ROBO2: variants seen among roughly 807,000 people sequenced by gnomAD.
ROBO2 encodes roundabout guidance receptor 2.
ROBO2 carries 53 observed loss-of-function variants against 160.8 expected under a neutral mutation model. That is an observed-to-expected ratio of 0.33 (90% CI 0.26 to 0.41). The LOEUF (loss-of-function observed/expected upper bound fraction) is 0.41. Among genes scored for constraint, ROBO2 ranks in the 10% least tolerant of loss-of-function variants. The probability of loss-of-function intolerance (pLI) is 1.00; values close to 1 mark genes in which losing one functional copy is unlikely to be tolerated. For missense variants in ROBO2, 1,577 were observed against 1,722.4 expected, an observed-to-expected ratio of 0.92 and a Z score of 1.49; for synonymous variants, 664 against 611.7, an observed-to-expected ratio of 1.09 and a Z score of -1.26.
At chr3:77,195,201 A>G (rs2150971306) in intron 2 of ROBO2, among the ~76,000 whole-genome samples, 1 of 152,296 alleles carries the variant, frequency 6.6e-6, no homozygotes, top group Non-Finnish European at 1.5e-5. Context: ...AATTTGCCAT[A>G]TGAGCAATTT....
At chr3:76,747,143 A>T (rs2093907535) in intron 2 of ROBO2, among the ~76,000 whole-genome samples, 1 of 152,064 alleles carries the variant, frequency 6.6e-6, no homozygotes, top group Non-Finnish European at 1.5e-5. Context: ...AATAAAAAAT[A>T]CTCAAATACA....
At chr3:76,948,877 TA>T (rs1559749461) in intron 2 of ROBO2, among the ~76,000 whole-genome samples, 9 of 49,110 alleles carry the variant, frequency 1.8e-4, no homozygotes, top group Admixed American at 5.6e-4. Context: ...GCTAATTTTA[TA>T]TATATATATA....
At chr3:76,916,990 C>A (rs1310604330) in intron 2 of ROBO2, among the ~76,000 whole-genome samples, 1 of 152,106 alleles carries the variant, frequency 6.6e-6, no homozygotes, top group Non-Finnish European at 1.5e-5. Flanking sequence ...TCCCCGCAAA[C>A]AACACATTGA....
rs143644332 is a variant in ROBO2 at position 76,758,272 on chromosome 3, G to A, written c.110-339742G>A. Among the ~76,000 whole-genome samples the A allele has an allele frequency of 5.1e-3, 779 of 151,656 alleles. 8 individuals are homozygous for A. Among genetic ancestry groups the A allele is most frequent in the African/African-American group, 0.017 (708 of 41,402 alleles). Reference sequence around the variant, plus strand: ...TACCTTCTTCTGAAAGTCATTATCCGTCCTGTTGAACAAAGACTATTGGGA... The same window carrying A: ...TACCTTCTTCTGAAAGTCATTATCCATCCTGTTGAACAAAGACTATTGGGA... On this transcript the variant is annotated intron_variant, in intron 2 of 26. Transcript: ENST00000487694.
chr3:77,490,118 TGGGAC>T (rs2085895602), intron 4 of ROBO2, among the ~76,000 whole-genome samples: 2 of 149,220 alleles, frequency 1.3e-5, no homozygotes, highest in Middle Eastern at 3.5e-3. Flanking sequence ...TTTTTTTTTT[TGGGAC>T]GGAGTCTCGC....
chr3:77,585,041 T>A (rs1341679306), intron 16 of ROBO2, among the ~76,000 whole-genome samples: 6 of 150,810 alleles, frequency 4.0e-5, no homozygotes, highest in South Asian at 2.1e-4. Flanking sequence ...TATCTGTATA[T>A]CTTTATGAAA....
intron 2 of ROBO2, among the ~76,000 whole-genome samples, chr3:77,295,731 G>A (rs557279771): frequency 1.0e-4 from 15 of 150,504 alleles, no homozygotes; most frequent in East Asian, 2.0e-4. Flanking sequence ...TGAAATTGAC[G>A]GTTAAACGGG....
intron 2 of ROBO2, among the ~76,000 whole-genome samples, chr3:76,383,835 A>G (rs2076752820): frequency 6.6e-6 from 1 of 152,240 alleles, no homozygotes; most frequent in Non-Finnish European, 1.5e-5. Flanking sequence ...AGGATACTTT[A>G]CTTTGTGAAC....
intron 1 of ROBO2, among the ~76,000 whole-genome samples, chr3:77,088,025 G>A (rs750991913): frequency 6.6e-6 from 1 of 152,030 alleles, no homozygotes; most frequent in Non-Finnish European, 1.5e-5. Context: ...ACCTGTCACT[G>A]GGGCCCACTT....
chr3:77,244,514 A>G (rs1354615959), intron 2 of ROBO2, among the ~76,000 whole-genome samples: 1 of 152,214 alleles, frequency 6.6e-6, no homozygotes, highest in Non-Finnish European at 1.5e-5. Context: ...GCTAAAATAT[A>G]AAGTGAGAGA....
At chr3:77,280,241 T>C (rs10511057) in intron 2 of ROBO2, among the ~76,000 whole-genome samples, 7,791 of 152,282 alleles carry the variant, frequency 0.051, 224 homozygotes, top group Admixed American at 0.085. Flanking sequence ...TCTGCCGTTA[T>C]ACCTTACTCA....
intron 2 of ROBO2, among the ~76,000 whole-genome samples, chr3:76,860,507 T>C (rs895112938): frequency 1.3e-4 from 20 of 152,184 alleles, no homozygotes; most frequent in Admixed American, 3.9e-4. Flanking sequence ...GTTTTTTAAT[T>C]GCTTATGTCT....
chr3:77,559,956 C>G (rs1376728385), intron 9 of ROBO2, among the ~76,000 whole-genome samples: 1 of 152,036 alleles, frequency 6.6e-6, no homozygotes, highest in Non-Finnish European at 1.5e-5. Flanking sequence ...CTTCTTTGAA[C>G]AAAATGGAAG....
intron 4 of ROBO2, among the ~76,000 whole-genome samples, chr3:77,484,080 G>GA (rs2085030743): frequency 6.6e-6 from 1 of 151,930 alleles, no homozygotes; most frequent in Non-Finnish European, 1.5e-5. Context: ...CATACTCCAT[G>GA]AATCACATAT....
chr3:76,490,525 C>T (rs935088981), intron 2 of ROBO2, among the ~76,000 whole-genome samples: 5 of 152,176 alleles, frequency 3.3e-5, no homozygotes, highest in Non-Finnish European at 7.4e-5. Context: ...GAAGGAAGCA[C>T]TATACTGAGG....
At chr3:77,509,710 T>C (rs917937944) in intron 5 of ROBO2, among the ~76,000 whole-genome samples, 1 of 152,036 alleles carries the variant, frequency 6.6e-6, no homozygotes, top group South Asian at 2.1e-4. Context: ...ATGAGCAATA[T>C]TTGATGCCGA....
At chr3:76,335,909 C>T (rs751793453) in intron 2 of ROBO2, among the ~76,000 whole-genome samples, 1 of 152,134 alleles carries the variant, frequency 6.6e-6, no homozygotes, top group South Asian at 2.1e-4. Context: ...GCATTCTGCT[C>T]CATTTTATGG....
intron 2 of ROBO2, among the ~76,000 whole-genome samples, chr3:76,660,545 A>C (rs1368735954): frequency 6.6e-6 from 1 of 152,138 alleles, no homozygotes; most frequent in East Asian, 1.9e-4. Context: ...CATGATTATA[A>C]TTGCTGCACC....
At chr3:76,741,471 C>T (rs2093800985) in intron 2 of ROBO2, among the ~76,000 whole-genome samples, 1 of 151,892 alleles carries the variant, frequency 6.6e-6, no homozygotes, top group Non-Finnish European at 1.5e-5. Flanking sequence ...AGAAATGTGG[C>T]TGATATTTAC....
Sources: allele counts gnomAD v4.1 joint callset (sites outside exome capture counted in the v4.1 genomes callset), GRCh38; gene constraint gnomAD v4.1.1; transcripts MANE v1.5; gene names NCBI Gene and HGNC (gene_info 2026-07-23, HGNC 2026-07-21).